The following PUS7L variants were observed in gnomAD, a reference collection of about 807,000 sequenced individuals.
PUS7L encodes pseudouridylate synthase PUS7L.
Under a neutral mutation model 51.1 loss-of-function variants are expected in PUS7L, and 49 were observed. The ratio of observed to expected loss-of-function variants is 0.96; its 90% CI spans 0.76 to 1.22. The LOEUF (loss-of-function observed/expected upper bound fraction) is 1.22. Among genes scored for constraint, PUS7L ranks in the 50% most tolerant of loss-of-function variants. The pLI, the probability that PUS7L is intolerant of heterozygous loss-of-function variation, is 0.00. For synonymous variants in PUS7L, 277 were observed against 276.2 expected (o/e 1.00, Z -0.03); for missense variants, 828 against 820.6 (o/e 1.01, Z -0.11).
Position 43,754,536 on chromosome 12 carries a change from G to C in PUS7L, c.710C>G (p.Thr237Arg). The C allele has an allele frequency of 6.2e-7, 1 of 1,612,216 alleles. No individual in the cohort carries two copies. Among genetic ancestry groups the C allele is most frequent in the Non-Finnish European group, 8.5e-7 (1 of 1,179,366 alleles). ...ENSKFTFKPDTNKDHRKAVHH... is the reference protein window; with the variant it reads ...ENSKFTFKPDRNKDHRKAVHH... The stretch of plus-strand genomic sequence containing the variant: ...GACAGCTTTTCTGTGGTCTTTGTTT[G>C]TATCAGGTTTAAAGGTAAATTTGGA... The change falls in exon 2 of 9, where the codon ACA becomes AGA. Residue 237 changes from threonine to arginine, a missense_variant. Coordinates refer to ENST00000344862, the MANE Select transcript of PUS7L (RefSeq NM_031292.5).
intron 2 of PUS7L, among the ~76,000 whole-genome samples, chr12:43,754,060 T>A (rs1427275130): frequency 6.6e-6 from 1 of 152,220 alleles, no homozygotes; most frequent in African/African-American, 2.4e-5. Context: ...GCTTCAACTT[T>A]ATACATTTGT....
chr12:43,756,861 T>C (rs1208076453), intron 1 of PUS7L, among the ~76,000 whole-genome samples: 1 of 152,168 alleles, frequency 6.6e-6, no homozygotes, highest in Non-Finnish European at 1.5e-5. Context: ...GCCAGAATGG[T>C]CTTAAAAGGT....
At chr12:43,749,747 C>T (rs921894021) in intron 2 of PUS7L, among the ~76,000 whole-genome samples, 4 of 152,160 alleles carry the variant, frequency 2.6e-5, no homozygotes, top group African/African-American at 4.8e-5. Context: ...TTTGCAGCAA[C>T]ATGGATGCAG....
At position 43,730,653 on chromosome 12, in the gene PUS7L, A is replaced by T. The variant is rs765488669; in HGVS notation, c.1829T>A (p.Val610Glu). The T allele has an allele frequency of 1.9e-5, 30 of 1,613,472 alleles. No individual in the cohort carries two copies. Among genetic ancestry groups the T allele is most frequent in the Non-Finnish European group, 2.5e-5 (30 of 1,179,672 alleles). ...AAGTATGTCATGGTACCACTGCCCT[A>T]CTTTGTTCTTCGGGTACTGAATATT... The part of the protein sequence containing the change: ...GYNIQYPKNK[V>E]GQWYHDILSR... Residue 610 changes from valine to glutamate, a missense_variant, in exon 9 of 9, where the codon GTA becomes GAA. Transcript: ENST00000344862.
chr12:43,736,947 G>A (rs1387125196), intron 6 of PUS7L, among the ~76,000 whole-genome samples: 1 of 148,204 alleles, frequency 6.7e-6, no homozygotes, highest in East Asian at 2.0e-4. Flanking sequence ...ATCTAATGAA[G>A]TTATTCACAG....
At position 43,730,502 on chromosome 12, in the gene PUS7L, G is replaced by A. The variant is rs761247735; in HGVS notation, c.1980C>T (p.Asp660=). Residue 660 remains aspartate, a synonymous_variant, in exon 9 of 9, where the codon GAC becomes GAT. Coordinates refer to ENST00000344862, the MANE Select transcript of PUS7L (RefSeq NM_031292.5). ...NLSYQLMEDH[D]IDVKTKGSHI... Reference sequence around the variant, plus strand: ...GGGAACCTTTCGTTTTGACATCAATGTCATGATCTTCCATTAGTTGGTATG... The same window carrying A: ...GGGAACCTTTCGTTTTGACATCAATATCATGATCTTCCATTAGTTGGTATG... 8.1e-6 allele frequency: 13 copies of A among 1,613,692 alleles called. No homozygotes were observed. The African/African-American group carries it at 1.3e-4, about 17-fold the overall frequency.
rs777009297 is a variant in PUS7L at position 43,746,074 on chromosome 12, C to G, written c.1235G>C (p.Arg412Thr). ...QINDSANLRE[R>T]IMEAIENVKK... ...AACATTTTCTATTGCTTCCATAATT[C>G]TCTCCCTCAGGTTTGCAGAATCATT... The change falls in exon 4 of 9, where the codon AGA becomes ACA. Residue 412 changes from arginine (R) to threonine (T), a missense_variant. By Grantham distance (71) the Arg-to-Thr change is moderately conservative. Transcript: ENST00000344862. 5.3e-6 allele frequency: 8 copies of G among 1,511,354 alleles called. 2 individuals are homozygous for G. The South Asian group carries it at 8.4e-5, about 16-fold the overall frequency. The allele number at this position is 1,511,354 out of a possible 1,614,324, so 93.6% of individuals were successfully genotyped here. A position where few individuals can be genotyped will look rare whatever the true frequency, so the allele number is the denominator to read the frequency against.
rs1592156029 is a variant in PUS7L, at chr12:43,730,762, T to C, written c.1780-60A>G. ...GCCTTCAAAAAGATACATGATCATA[T>C]TTTTAATGTACTTTTATGACTGCGA... is the stretch of plus-strand genomic sequence containing the variant. On this transcript the variant is annotated intron_variant, in intron 8 of 8. Coordinates refer to ENST00000344862, the MANE Select transcript of PUS7L (RefSeq NM_031292.5). The C allele has an allele frequency of 5.3e-6, 6 of 1,138,908 alleles. No individual in the cohort carries two copies. The South Asian group carries it at 8.8e-5, about 17-fold the overall frequency. The allele number at this position is 1,138,908 out of a possible 1,614,324, so 70.6% of individuals were successfully genotyped here.
At chr12:43,746,298 T>G in intron 3 of PUS7L, 60 bp from the exon 4 acceptor site, 1 of 737,014 alleles carries the variant, frequency 1.4e-6, no homozygotes, top group Non-Finnish European at 2.1e-6. Context: ...TACTTTAAAA[T>G]AAGGTTTTAA....
In PUS7L at chr12:43,748,602, GGT is replaced by G; in HGVS notation, c.916_917del (p.Thr306ProfsTer10). ...ACATTTCCAGGTTTTCCTTTCGTAG[GGT>G]AAAAGCTGAAACAAAAAAAAAACTT... ...QEGKVIYTAF[T>X]LRKENLEMFE... On this transcript the variant is annotated frameshift_variant, in exon 3 of 9. Coordinates refer to ENST00000344862, the MANE Select transcript of PUS7L (RefSeq NM_031292.5). LOFTEE classifies it high-confidence loss of function. The G allele has an allele frequency of 6.4e-7, 1 of 1,574,026 alleles. No homozygotes were observed. The highest frequency in any genetic ancestry group is 1.4e-5 in the African/African-American group (1 of 72,180).
intron 6 of PUS7L, 115 bp downstream of exon 6, chr12:43,738,195 T>C (rs949026471): frequency 2.9e-6 from 2 of 691,486 alleles, no homozygotes; most frequent in African/African-American, 1.8e-5. Context: ...TGTAATATAC[T>C]ATAATTTATT....
chr12:43,755,754 T>C (rs750697620), intron 1 of PUS7L, among the ~76,000 whole-genome samples: 2 of 152,148 alleles, frequency 1.3e-5, no homozygotes, highest in African/African-American at 2.4e-5. Context: ...GATGGGTAAA[T>C]GAAGTTCTAA....
intron 1 of PUS7L, 169 bp downstream of exon 1, chr12:43,758,561 C>G (rs1938990114): frequency 2.6e-5 from 26 of 985,496 alleles, no homozygotes; most frequent in Non-Finnish European, 3.1e-5. Context: ...TTTCTTCTCC[C>G]TCCTCTTACT....
At chr12:43,748,424 C>T (rs756773259) in intron 3 of PUS7L, 26 bp downstream of exon 3, 2 of 1,527,750 alleles carry the variant, frequency 1.3e-6, no homozygotes. Context: ...AAGTTTCTAT[C>T]CTAAAATTTC....
In PUS7L at chr12:43,748,463, C is replaced by T; in HGVS notation, c.1057G>A (p.Val353Met). 6.3e-7 allele frequency: 1 copy of T among 1,586,624 alleles called. No homozygotes were observed. The change falls in exon 3 of 9, where the codon GTG (valine) becomes ATG (methionine). Residue 353 changes from valine to methionine, a missense_variant. By Grantham distance (21) the Val-to-Met change is conservative (BLOSUM62 1). Transcript: ENST00000344862. ...ATATCTTATTACCTCTCTGGAGTCA[C>T]TTTTCTAACAACCATTGCTTGATAG... ...ITYQAMVVRK[V>M]TPERLKNIEK...
chr12:43,758,198 G>C (rs1449345365), intron 1 of PUS7L: 1 of 473,708 alleles, frequency 2.1e-6, no homozygotes, highest in East Asian at 1.5e-4. Context: ...GAAAAAAGGA[G>C]GAAGACAGAC....
rs574585407 is a variant in PUS7L, at chr12:43,747,222, G to A, written c.1071-984C>T. Reference sequence around the variant, plus strand: ...ATTTAAGTATAAGAATATTACTCATGGTATTATTTACAGTGAAAAGCTGGA... The same window carrying A: ...ATTTAAGTATAAGAATATTACTCATAGTATTATTTACAGTGAAAAGCTGGA... On this transcript the variant is annotated intron_variant, in intron 3 of 8. Transcript: ENST00000344862. Among the ~76,000 whole-genome samples, 6 of 152,108 alleles carry A rather than the reference G, an allele frequency of 3.9e-5. No homozygotes were observed. The South Asian group carries it at 1.2e-3, about 32-fold the overall frequency.
At chr12:43,734,495 G>A (rs1944635756) in intron 7 of PUS7L, among the ~76,000 whole-genome samples, 1 of 152,036 alleles carries the variant, frequency 6.6e-6, no homozygotes, top group Admixed American at 6.6e-5. Context: ...GGTTTGAGGT[G>A]GGTTTCTATT....
In PUS7L at chr12:43,730,322, G is replaced by T; in HGVS notation, c.*54C>A. ...CATGGAAGGTGCTTAAGACATTTTA[G>T]CCCCCTTTCCTTCAAAGAGTGACAT... On this transcript the variant is annotated 3_prime_UTR_variant, in exon 9 of 9. Coordinates refer to ENST00000344862, the MANE Select transcript of PUS7L (RefSeq NM_031292.5). 2 of 1,350,950 alleles carry T rather than the reference G, an allele frequency of 1.5e-6. No individual in the cohort carries two copies. Among genetic ancestry groups the T allele is most frequent in the Non-Finnish European group, 2.1e-6 (2 of 963,874 alleles). 83.7% of individuals were successfully genotyped at this position (1,350,950 alleles called of 1,614,324 possible).
Sources: allele counts gnomAD v4.1 joint callset (sites outside exome capture counted in the v4.1 genomes callset), GRCh38; gene constraint gnomAD v4.1.1; transcripts MANE v1.5; gene names NCBI Gene and HGNC (gene_info 2026-07-23, HGNC 2026-07-21).